CHSY1: variants seen among roughly 807,000 people sequenced by gnomAD.
CHSY1 encodes chondroitin sulfate synthase 1, also known as N-acetylgalactosaminyl-proteoglycan 3-beta-glucuronosyltransferase 1.
A neutral mutation model predicts 59.8 loss-of-function variants in CHSY1; 13 were observed. The ratio of observed to expected loss-of-function variants is 0.22; its 90% CI spans 0.14 to 0.35. CHSY1 has a LOEUF of 0.35. Among genes scored for constraint, CHSY1 ranks in the 10% least tolerant of loss-of-function variants. The pLI is 1.00. For missense variants in CHSY1, 947 were observed against 1,030.6 expected (o/e 0.92, Z 1.11); for synonymous variants, 459 against 401.2 (o/e 1.14, Z -1.72).
intron 1 of CHSY1, among the ~76,000 whole-genome samples, chr15:101,244,871 C>G (rs1283968657): frequency 6.6e-6 from 1 of 152,154 alleles, no homozygotes; most frequent in East Asian, 1.9e-4. Context: ...AGCAGGACAC[C>G]TAAAATACCT....
intron 2 of CHSY1, among the ~76,000 whole-genome samples, chr15:101,229,440 C>A (rs2038871771): frequency 6.6e-6 from 1 of 152,092 alleles, no homozygotes; most frequent in Non-Finnish European, 1.5e-5. Context: ...AAACAGACTT[C>A]AGACAAAAAT....
chr15:101,239,131 C>CAT (rs2038976757), intron 1 of CHSY1, among the ~76,000 whole-genome samples: 1 of 152,134 alleles, frequency 6.6e-6, no homozygotes, highest in South Asian at 2.1e-4. Context: ...ATTTGGCAGT[C>CAT]GCAACAATTC....
chr15:101,217,927 TGACA>T (rs922041971), intron 2 of CHSY1, among the ~76,000 whole-genome samples: 3 of 152,132 alleles, frequency 2.0e-5, no homozygotes, highest in African/African-American at 7.2e-5. Context: ...TGAAGAAACC[TGACA>T]GACACTCCCT....
At chr15:101,198,671 C>T (rs917771941) in intron 2 of CHSY1, among the ~76,000 whole-genome samples, 2 of 152,200 alleles carry the variant, frequency 1.3e-5, no homozygotes, top group South Asian at 2.1e-4. Context: ...AAACAGCAGT[C>T]GTAGTACCAG....
In CHSY1 at chr15:101,176,976, A is replaced by C. The variant is rs536810585; in HGVS notation, c.*412T>G. ...GCTTTAAAACAATTGTAAAAAAAAA[A>C]AACAAAACACAAAAGGTAGAATCTG... On this transcript the variant is annotated 3_prime_UTR_variant, in exon 3 of 3. Coordinates refer to ENST00000254190, the MANE Select transcript of CHSY1 (RefSeq NM_014918.5). 3.3e-4 allele frequency: 54 copies of C among 164,090 alleles called. No individual in the cohort carries two copies. Among genetic ancestry groups the C allele is most frequent in the Non-Finnish European group, 5.9e-4 (45 of 75,710 alleles). 10.2% of individuals were successfully genotyped at this position (164,090 alleles called of 1,614,324 possible).
intron 2 of CHSY1, among the ~76,000 whole-genome samples, chr15:101,203,117 A>T (rs1052923554): frequency 6.6e-6 from 1 of 152,240 alleles, no homozygotes; most frequent in Non-Finnish European, 1.5e-5. Context: ...TTAACAACTG[A>T]TTGCACCTAA....
At chr15:101,184,668 A>G (rs949284446) in intron 2 of CHSY1, among the ~76,000 whole-genome samples, 1 of 152,052 alleles carries the variant, frequency 6.6e-6, no homozygotes, top group Non-Finnish European at 1.5e-5. Flanking sequence ...TTTTTAATGA[A>G]AAAGAAATCT....
In CHSY1 at chr15:101,178,888, T is replaced by C; in HGVS notation, c.909A>G (p.Leu303=). The C allele has an allele frequency of 6.2e-7, 1 of 1,614,182 alleles. No homozygotes were observed. Among genetic ancestry groups the C allele is most frequent in the Admixed American group, 1.7e-5 (1 of 60,024 alleles). Residue 303 remains leucine (L), a synonymous_variant, in exon 3 of 3, where the codon TTA becomes TTG. Transcript: ENST00000254190. ...HNSKIHQAIT[L]HPNKNPPYQY... is the part of the protein sequence containing the mutation. Reference sequence around the variant, plus strand: ...GGTAGGGTGGGTTTTTGTTGGGGTGTAATGTGATAGCTTGGTGAATTTTAC... The same window carrying C: ...GGTAGGGTGGGTTTTTGTTGGGGTGCAATGTGATAGCTTGGTGAATTTTAC...
intron 1 of CHSY1, 71 bp downstream of exon 1, chr15:101,251,066 G>T: frequency 7.0e-7 from 1 of 1,432,008 alleles, no homozygotes; most frequent in Non-Finnish European, 9.4e-7. Flanking sequence ...GCGAGAGCCA[G>T]GAGAGCACCC....
intron 2 of CHSY1, among the ~76,000 whole-genome samples, chr15:101,214,331 T>C (rs1176955957): frequency 2.0e-5 from 3 of 152,152 alleles, no homozygotes; most frequent in Non-Finnish European, 4.4e-5. Context: ...AGGGCCTGTG[T>C]AAGATGCAAG....
At chr15:101,204,818 T>C (rs2038608574) in intron 2 of CHSY1, among the ~76,000 whole-genome samples, 1 of 152,106 alleles carries the variant, frequency 6.6e-6, no homozygotes, top group Non-Finnish European at 1.5e-5. Flanking sequence ...GGCACAAGAA[T>C]TGCTTGAACC....
At chr15:101,183,255 G>A (rs996775021) in intron 2 of CHSY1, among the ~76,000 whole-genome samples, 4 of 152,192 alleles carry the variant, frequency 2.6e-5, no homozygotes, top group Admixed American at 6.5e-5. Context: ...AGGGAGTCAG[G>A]TGCCTGGGTT....
rs139659032 is a variant in CHSY1 at position 101,183,550 on chromosome 15, T to G, written c.817-4570A>C. Among the ~76,000 whole-genome samples, 4 of 152,326 alleles carry G rather than the reference T, an allele frequency of 2.6e-5. No individual in the cohort carries two copies. The East Asian group carries it at 5.8e-4, about 22-fold the overall frequency. Reference sequence around the variant, plus strand: ...AGATACTCAGGACTCAATTTTACCTTGCACTCATTCCTTCCCAGGAAGCTA... The same window carrying G: ...AGATACTCAGGACTCAATTTTACCTGGCACTCATTCCTTCCCAGGAAGCTA... On this transcript the variant is annotated intron_variant, in intron 2 of 2. Transcript: ENST00000254190.
intron 2 of CHSY1, among the ~76,000 whole-genome samples, chr15:101,212,403 A>C (rs541857283): frequency 6.6e-6 from 1 of 152,376 alleles, no homozygotes; most frequent in East Asian, 1.9e-4. Flanking sequence ...TAGTAAAAAA[A>C]CTAGAAATAC....
At chr15:101,191,805 G>T (rs2038449863) in intron 2 of CHSY1, among the ~76,000 whole-genome samples, 1 of 152,048 alleles carries the variant, frequency 6.6e-6, no homozygotes, top group Non-Finnish European at 1.5e-5. Context: ...ATGTTAAGTA[G>T]ATTGTAGGGG....
chr15:101,175,976 T>G lies in CHSY1; in HGVS notation c.*1412A>C, dbSNP rs1220210872. 4 of 294,546 alleles carry G rather than the reference T, an allele frequency of 1.4e-5. No homozygotes were observed. The highest frequency in any genetic ancestry group is 8.9e-4 in the Middle Eastern group (1 of 1,118). The allele number at this position is 294,546 out of a possible 1,614,324, so 18.2% of individuals were successfully genotyped here. A position where few individuals can be genotyped will look rare whatever the true frequency, so the allele number is the denominator to read the frequency against. ...CACATTTGATCTGAGAATTTAACTTTCTGGTATAATGACAGATTCATTTCA... is the reference window on the plus strand; with the variant it reads ...CACATTTGATCTGAGAATTTAACTTGCTGGTATAATGACAGATTCATTTCA... On this transcript the variant is annotated 3_prime_UTR_variant, in exon 3 of 3. Coordinates refer to ENST00000254190, the MANE Select transcript of CHSY1 (RefSeq NM_014918.5).
chr15:101,177,193 T>C lies in CHSY1; in HGVS notation c.*195A>G, dbSNP rs988373599. ...AGTTAAGCAGGTCTGCTACATAATG[T>C]TCAGCAAGAAGATGTGTTCAAAGGC... On this transcript the variant is annotated 3_prime_UTR_variant, in exon 3 of 3. Coordinates refer to ENST00000254190, the MANE Select transcript of CHSY1 (RefSeq NM_014918.5). 95 of 541,846 alleles carry C rather than the reference T, an allele frequency of 1.8e-4. No individual in the cohort carries two copies. The highest frequency in any genetic ancestry group is 2.5e-4 in the Non-Finnish European group (77 of 311,876). The allele number at this position is 541,846 out of a possible 1,614,324, so 33.6% of individuals were successfully genotyped here.
At chr15:101,192,512 A>T (rs59465739) in intron 2 of CHSY1, among the ~76,000 whole-genome samples, 13,026 of 151,794 alleles carry the variant, frequency 0.086, 672 homozygotes, top group East Asian at 0.21. Context: ...CTTAACCCCA[A>T]CTCCCCCCAC....
intron 1 of CHSY1, 124 bp from the exon 2 acceptor site, chr15:101,235,701 T>C (rs1486199779): frequency 1.2e-5 from 13 of 1,044,028 alleles, no homozygotes; most frequent in East Asian, 2.5e-5. Flanking sequence ...CTTGGCCTGC[T>C]TGGTTCCTCT....
Sources: gnomAD v4.1 joint callset for allele counts (sites outside exome capture counted in the v4.1 genomes callset) on GRCh38, gnomAD v4.1.1 for gene constraint, MANE v1.5 for transcripts, NCBI Gene and HGNC (gene_info 2026-07-23, HGNC 2026-07-21) for gene names.